The following RUNX2 variants were observed in gnomAD, a reference collection of about 807,000 sequenced individuals.
RUNX2 encodes RUNX family transcription factor 2, also known as runt-related transcription factor 2.
Under a neutral mutation model 51.7 loss-of-function variants are expected in RUNX2, and 10 were observed. The observed-to-expected ratio is 0.19, with a 90% CI of 0.12 to 0.33. The LOEUF (loss-of-function observed/expected upper bound fraction) is 0.33. Ranked by LOEUF, RUNX2 falls within the 10% of genes least tolerant of loss-of-function variation. The pLI, the probability that RUNX2 is intolerant of heterozygous loss-of-function variation, is 1.00. For missense variants in RUNX2, 562 were observed against 691.3 expected, an observed-to-expected ratio of 0.81 and a Z score of 2.10; for synonymous variants, 276 against 273.6, an observed-to-expected ratio of 1.01 and a Z score of -0.09.
At chr6:45,365,281 A>G (rs759499548) in intron 2 of RUNX2, 2 of 1,611,334 alleles carry the variant, frequency 1.2e-6, no homozygotes, top group South Asian at 2.2e-5. Flanking sequence ...TAGACATTGG[A>G]CTAGCTGCCG....
chr6:45,520,251 T>C (rs1290951617), intron 7 of RUNX2, among the ~76,000 whole-genome samples: 1 of 152,214 alleles, frequency 6.6e-6, no homozygotes, highest in Non-Finnish European at 1.5e-5. Flanking sequence ...TTAGAAAGCA[T>C]TTCACACATT....
intron 6 of RUNX2, among the ~76,000 whole-genome samples, chr6:45,495,448 G>A (rs149474725): frequency 5.3e-5 from 8 of 152,234 alleles, no homozygotes; most frequent in Non-Finnish European, 7.4e-5. Context: ...TAAACTGTTC[G>A]GTTTTATTCA....
intron 8 of RUNX2, among the ~76,000 whole-genome samples, chr6:45,546,225 G>A (rs1019967231): frequency 6.6e-6 from 1 of 152,000 alleles, no homozygotes; most frequent in Non-Finnish European, 1.5e-5. Context: ...CCCCAGAGAA[G>A]TTATGAGTTT....
chr6:45,376,671 A>T (rs1796820845), intron 2 of RUNX2, among the ~76,000 whole-genome samples: 1 of 152,226 alleles, frequency 6.6e-6, no homozygotes, highest in East Asian at 1.9e-4. Flanking sequence ...AGAGCATTCC[A>T]TTCTTGCAAA....
intron 2 of RUNX2, among the ~76,000 whole-genome samples, chr6:45,378,282 T>C (rs1407451104): frequency 1.3e-5 from 2 of 152,304 alleles, no homozygotes; most frequent in East Asian, 3.9e-4. Flanking sequence ...CCGAGAGGGC[T>C]AGGATTTTTG....
rs1052913666 is a variant in RUNX2, at chr6:45,378,148, C to T, written c.59-44445C>T. ...GGCGTTGTGCGCGGCCTTCAGGGCC[C>T]GGCTTGGGCAGCGCTGAGCCACGCG... On this transcript the variant is annotated intron_variant, in intron 2 of 8. Coordinates refer to ENST00000647337, the MANE Select transcript of RUNX2 (RefSeq NM_001024630.4). Among the ~76,000 whole-genome samples, 5 of 152,106 alleles carry T rather than the reference C, an allele frequency of 3.3e-5. 1 individual carries two copies. The highest frequency in any genetic ancestry group is 1.2e-4 in the African/African-American group (5 of 41,432).
At chr6:45,520,587 T>C (rs1801474243) in intron 7 of RUNX2, among the ~76,000 whole-genome samples, 1 of 152,210 alleles carries the variant, frequency 6.6e-6, no homozygotes, top group Non-Finnish European at 1.5e-5. Flanking sequence ...TTCTTTGCAC[T>C]GGGGGGCAGG....
At chr6:45,520,856 G>T (rs1801485835) in intron 7 of RUNX2, among the ~76,000 whole-genome samples, 1 of 152,090 alleles carries the variant, frequency 6.6e-6, no homozygotes, top group Non-Finnish European at 1.5e-5. Flanking sequence ...GAGTAGCTGG[G>T]ATTGCAGGCA....
intron 7 of RUNX2, among the ~76,000 whole-genome samples, chr6:45,536,616 G>A (rs1274879615): frequency 1.3e-5 from 2 of 152,148 alleles, no homozygotes; most frequent in East Asian, 1.9e-4. Context: ...GTGTGATTCG[G>A]CCTTGAAAAC....
Position 45,353,779 on chromosome 6 carries a change from AT to A in RUNX2, c.58+25006del, listed in dbSNP as rs905912159. ...TCAACTATATGAGCAATGAAAACTC[AT>A]TTTTTTTTTTAATCACTATATACAA... On this transcript the variant is annotated intron_variant, in intron 2 of 8. Transcript: ENST00000647337. Among the ~76,000 whole-genome samples the A allele has an allele frequency of 1.1e-3, 164 of 148,394 alleles. 1 individual carries two copies. The highest frequency in any genetic ancestry group is 2.5e-3 in the African/African-American group (101 of 40,708).
chr6:45,355,429 C>T (rs1449125218), intron 2 of RUNX2, among the ~76,000 whole-genome samples: 1 of 152,032 alleles, frequency 6.6e-6, no homozygotes, highest in African/African-American at 2.4e-5. Flanking sequence ...AACAGTTCCC[C>T]TACCCATAAA....
At chr6:45,495,340 G>A (rs1480353053) in intron 6 of RUNX2, among the ~76,000 whole-genome samples, 6 of 152,228 alleles carry the variant, frequency 3.9e-5, no homozygotes, top group African/African-American at 1.4e-4. Context: ...TGTCTTAGTA[G>A]CATTAACTCT....
In RUNX2 at chr6:45,328,402, T is replaced by C; in HGVS notation, c.-125T>C. 7.1e-7 allele frequency: 1 copy of C among 1,415,852 alleles called. No homozygotes were observed. The highest frequency in any genetic ancestry group is 1.1e-5 in the South Asian group (1 of 88,464). The allele number at this position is 1,415,852 out of a possible 1,614,324, so 87.7% of individuals were successfully genotyped here. On this transcript the variant is annotated 5_prime_UTR_variant, in exon 1 of 9. Coordinates refer to ENST00000647337, the MANE Select transcript of RUNX2 (RefSeq NM_001024630.4). ...CTCCAGGAGGACAGCAAGAAGTCTC[T>C]GGTTTTTAAATGGTTAATCTCCGCA...
rs73737442 is a variant in RUNX2, at chr6:45,497,020, G to A, written c.859+4906G>A. Among the ~76,000 whole-genome samples, 537 of 152,288 alleles carry A rather than the reference G, an allele frequency of 3.5e-3. 1 individual carries two copies. The highest frequency in any genetic ancestry group is 0.012 in the African/African-American group (516 of 41,546). The stretch of plus-strand genomic sequence containing the variant: ...TTCACTGATGTGGGGAAGACTCAGG[G>A]AGGATAAGGTGGAGTGGGGCTGGGG... On this transcript the variant is annotated intron_variant, in intron 6 of 8. Transcript: ENST00000647337.
chr6:45,358,143 G>C (rs1245617800), intron 2 of RUNX2, among the ~76,000 whole-genome samples: 1 of 150,214 alleles, frequency 6.7e-6, no homozygotes, highest in East Asian at 1.9e-4. Context: ...ATAAAAACAG[G>C]TTATAACATG....
At chr6:45,423,349 G>A (rs989775865) in intron 3 of RUNX2, among the ~76,000 whole-genome samples, 1 of 152,140 alleles carries the variant, frequency 6.6e-6, no homozygotes, top group African/African-American at 2.4e-5. Flanking sequence ...CTTTCCCGGG[G>A]GCGAGGATCC....
chr6:45,388,575 C>T (rs1331543072), intron 2 of RUNX2, among the ~76,000 whole-genome samples: 1 of 152,192 alleles, frequency 6.6e-6, no homozygotes, highest in Non-Finnish European at 1.5e-5. Context: ...TTGAGAACAA[C>T]TTGCACTAGA....
chr6:45,343,709 TTGA>T (rs1225570100), intron 2 of RUNX2, among the ~76,000 whole-genome samples: 1 of 152,180 alleles, frequency 6.6e-6, no homozygotes, highest in Non-Finnish European at 1.5e-5. Context: ...GTGAAAAGCC[TTGA>T]TGAAGTTTAA....
At chr6:45,333,885 A>G (rs1409777193) in intron 2 of RUNX2, among the ~76,000 whole-genome samples, 1 of 151,338 alleles carries the variant, frequency 6.6e-6, no homozygotes, top group Non-Finnish European at 1.5e-5. Context: ...TAAAAGATAA[A>G]TGTTTACCTT....
Sources: allele counts gnomAD v4.1 joint callset (sites outside exome capture counted in the v4.1 genomes callset), GRCh38; gene constraint gnomAD v4.1.1; transcripts MANE v1.5; gene names NCBI Gene and HGNC (gene_info 2026-07-23, HGNC 2026-07-21).